Variants in FER observed in about 807,000 individuals in gnomAD.
FER encodes FER tyrosine kinase.
A neutral mutation model predicts 111.0 loss-of-function variants in FER; 63 were observed. That is an observed-to-expected ratio of 0.57 (90% confidence interval 0.46 to 0.70). FER has a LOEUF of 0.70. FER is among the 30% of genes least tolerant of loss of function. The pLI is 0.00. For missense variants in FER, 914 were observed against 954.0 expected (o/e 0.96, Z 0.55); for synonymous variants, 327 against 313.9 (o/e 1.04, Z -0.44).
At chr5:108,945,333 T>TA (rs1331153101) in intron 10 of FER, among the ~76,000 whole-genome samples, 1 of 151,722 alleles carries the variant, frequency 6.6e-6, no homozygotes, top group Admixed American at 6.6e-5. Flanking sequence ...GTGCCCTTCT[T>TA]ATGTCCTAGT....
chr5:109,139,663 A>C (rs1000441249), intron 17 of FER, among the ~76,000 whole-genome samples: 16 of 152,068 alleles, frequency 1.1e-4, no homozygotes, highest in African/African-American at 3.6e-4. Context: ...TGTAGTTACT[A>C]TATCCCCTGT....
At chr5:108,798,507 A>C (rs187485210) in intron 3 of FER, 118 bp downstream of exon 3, 15 of 805,560 alleles carry the variant, frequency 1.9e-5, no homozygotes, top group Non-Finnish European at 2.8e-5. Context: ...GTGATTCCAC[A>C]GTTTTACAGA....
intron 13 of FER, among the ~76,000 whole-genome samples, chr5:109,034,327 A>G (rs1581735466): frequency 6.6e-6 from 1 of 152,258 alleles, no homozygotes; most frequent in East Asian, 1.9e-4. Flanking sequence ...TAGTCTGCCA[A>G]TCCCTAATTT....
At chr5:108,780,451 A>G (rs1174323557) in intron 2 of FER, among the ~76,000 whole-genome samples, 1 of 150,612 alleles carries the variant, frequency 6.6e-6, no homozygotes, top group Non-Finnish European at 1.5e-5. Flanking sequence ...CTTCTTGCTT[A>G]TATGGTTTTG....
intron 14 of FER, among the ~76,000 whole-genome samples, chr5:109,042,325 TC>T (rs1771295433): frequency 6.6e-6 from 1 of 152,176 alleles, no homozygotes. Context: ...TTACCCTGAT[TC>T]AGAATCTCAA....
At chr5:109,012,593 A>G (rs766847824) in intron 13 of FER, among the ~76,000 whole-genome samples, 2 of 152,220 alleles carry the variant, frequency 1.3e-5, no homozygotes, top group Non-Finnish European at 2.9e-5. Flanking sequence ...CAAAAATTTG[A>G]GACCTGTGTG....
intron 10 of FER, among the ~76,000 whole-genome samples, chr5:108,945,712 G>C (rs1358656558): frequency 6.7e-6 from 1 of 149,662 alleles, no homozygotes; most frequent in African/African-American, 2.5e-5. Flanking sequence ...GTTTTTTTTT[G>C]TGATTATTTT....
At chr5:108,950,545 C>G (rs944227462) in intron 11 of FER, among the ~76,000 whole-genome samples, 1 of 152,106 alleles carries the variant, frequency 6.6e-6, no homozygotes, top group African/African-American at 2.4e-5. Flanking sequence ...GACAGAACCA[C>G]TATTTTAACT....
intron 10 of FER, among the ~76,000 whole-genome samples, chr5:108,911,120 G>T (rs764122837): frequency 1.3e-5 from 2 of 151,886 alleles, no homozygotes; most frequent in Admixed American, 6.6e-5. Context: ...CACCACATCC[G>T]CACTAGCATC....
chr5:108,784,278 G>T (rs982044508), intron 2 of FER: 1 of 153,018 alleles, frequency 6.5e-6, no homozygotes, highest in African/African-American at 2.4e-5. Context: ...GCTCTGTGGG[G>T]TCACTCCCAC....
chr5:108,836,744 A>G (rs560969800), intron 5 of FER, among the ~76,000 whole-genome samples: 1 of 152,228 alleles, frequency 6.6e-6, no homozygotes, highest in South Asian at 2.1e-4. Flanking sequence ...CCAGTACACT[A>G]GAAGTGATAC....
intron 10 of FER, among the ~76,000 whole-genome samples, chr5:108,916,164 T>C (rs142361817): frequency 4.7e-4 from 71 of 152,350 alleles, no homozygotes; most frequent in African/African-American, 1.6e-3. Context: ...AAAATATTTA[T>C]TGAACCAATC....
At chr5:109,051,293 G>A in intron 16 of FER, 1 of 1,461,302 alleles carries the variant, frequency 6.8e-7, no homozygotes, top group Non-Finnish European at 9.6e-7. Context: ...GAGGAATCTT[G>A]ATACTTTCAA....
intron 11 of FER, among the ~76,000 whole-genome samples, chr5:108,948,136 A>G (rs1428158676): frequency 6.6e-6 from 1 of 152,114 alleles, no homozygotes; most frequent in African/African-American, 2.4e-5. Context: ...TGCATTATAT[A>G]TAGGAAAATG....
chr5:109,086,007 A>G (rs989034051), intron 16 of FER, among the ~76,000 whole-genome samples: 10 of 151,916 alleles, frequency 6.6e-5, no homozygotes, highest in Admixed American at 2.6e-4. Flanking sequence ...CTTTTCTTAT[A>G]ATATCCTTGT....
At chr5:109,157,571 G>C (rs1452318092) in intron 17 of FER, among the ~76,000 whole-genome samples, 2 of 151,718 alleles carry the variant, frequency 1.3e-5, no homozygotes, top group Non-Finnish European at 2.9e-5. Flanking sequence ...GTCTGCCTCT[G>C]TGCTCCAGTG....
At chr5:109,022,486 C>T (rs900966078) in intron 13 of FER, among the ~76,000 whole-genome samples, 1 of 152,010 alleles carries the variant, frequency 6.6e-6, no homozygotes, top group African/African-American at 2.4e-5. Flanking sequence ...ATTTGACTTT[C>T]CAGGTTATTA....
intron 10 of FER, among the ~76,000 whole-genome samples, chr5:108,938,026 T>TCACACA (rs201092702): frequency 1.3e-4 from 17 of 130,894 alleles, no homozygotes; most frequent in East Asian, 4.5e-4. Context: ...TATCTCTCTC[T>TCACACA]CACACACACA....
chr5:108,829,098 TTTG>T (rs1759773160), intron 3 of FER, among the ~76,000 whole-genome samples: 1 of 152,240 alleles, frequency 6.6e-6, no homozygotes, highest in Non-Finnish European at 1.5e-5. Context: ...TGTTTGTTTC[TTTG>T]TTAAGCACCT....
Sources: allele counts gnomAD v4.1 joint callset (sites outside exome capture counted in the v4.1 genomes callset), GRCh38; gene constraint gnomAD v4.1.1; transcripts MANE v1.5; gene names NCBI Gene and HGNC (gene_info 2026-07-23, HGNC 2026-07-21).